RYR3: variants seen among roughly 807,000 people sequenced by gnomAD.
The protein encoded by RYR3 is ryanodine receptor 3.
RYR3 carries 207 observed loss-of-function variants against 584.3 expected under a neutral mutation model. That is an observed-to-expected ratio of 0.35 (90% CI 0.32 to 0.40). The LOEUF is 0.40. Ranked by LOEUF, RYR3 falls within the 10% of genes least tolerant of loss-of-function variation. RYR3 has a pLI of 1.00. For missense variants in RYR3, 5,616 were observed against 6,089.2 expected (o/e 0.92, Z 2.59); for synonymous variants, 2,416 against 2,248.5 (o/e 1.07, Z -2.11).
chr15:33,562,977 C>G lies in RYR3; in HGVS notation c.1113C>G (p.Ala371=), dbSNP rs1218734910. The part of the protein sequence containing the change: ...GLWVTYKAQD[A]KTSRLGPLKR... The stretch of plus-strand genomic sequence containing the variant: ...GGGTGACCTACAAAGCACAAGACGC[C>G]AAAACTTCCCGCCTGGGACCTCTAA... Residue 371 remains alanine (A), a synonymous_variant, in exon 11 of 104, where the codon GCC becomes GCG. Transcript: ENST00000634891. 1 of 1,611,474 alleles carries G rather than the reference C, an allele frequency of 6.2e-7. No individual in the cohort carries two copies. The highest frequency in any genetic ancestry group is 1.7e-5 in the Admixed American group (1 of 59,726).
intron 30 of RYR3, among the ~76,000 whole-genome samples, chr15:33,648,648 C>A (rs975280626): frequency 2.1e-4 from 32 of 152,144 alleles, no homozygotes; most frequent in African/African-American, 7.7e-4. Context: ...ATGCTCTGAC[C>A]CTTGACCACT....
At chr15:33,744,114 T>C (rs2070439519) in intron 52 of RYR3, among the ~76,000 whole-genome samples, 1 of 152,090 alleles carries the variant, frequency 6.6e-6, no homozygotes, top group Non-Finnish European at 1.5e-5. Flanking sequence ...GCCTGCCAGA[T>C]ACCCGCCTGT....
chr15:33,548,038 A>G (rs2141219266), intron 8 of RYR3, 92 bp from the exon 9 acceptor site: 1 of 839,708 alleles, frequency 1.2e-6, no homozygotes. Flanking sequence ...AGACAAGCTC[A>G]GTACCTGAAC....
intron 1 of RYR3, among the ~76,000 whole-genome samples, chr15:33,433,203 C>T (rs1294332080): frequency 1.3e-5 from 2 of 152,126 alleles, no homozygotes; most frequent in African/African-American, 4.8e-5. Context: ...AAAACTGCCA[C>T]CTGGGGTTGG....
Position 33,460,984 on chromosome 15 carries a change from G to T in RYR3, c.52-12435G>T, listed in dbSNP as rs190868463. ...TTTTAAGACGGAGTCTCGCTGTGTC[G>T]CCCAGGCTGGAGTGCAGTGGCGTGA... is the stretch of plus-strand genomic sequence containing the variant. On this transcript the variant is annotated intron_variant, in intron 1 of 103. Coordinates refer to ENST00000634891, the MANE Select transcript of RYR3 (RefSeq NM_001036.6). 6.2e-3 allele frequency among the ~76,000 whole-genome samples: 743 copies of T among 120,786 alleles called. 5 individuals are homozygous for T. Among genetic ancestry groups the T allele is most frequent in the African/African-American group, 0.022 (681 of 31,212 alleles). 79.2% of individuals were successfully genotyped at this position (120,786 alleles called of 152,430 possible). A position where few individuals can be genotyped will look rare whatever the true frequency, so the allele number is the denominator to read the frequency against.
In RYR3 at chr15:33,757,555, C is replaced by G; in HGVS notation, c.8664C>G (p.Ser2888Arg). 2 of 1,611,520 alleles carry G rather than the reference C, an allele frequency of 1.2e-6. No homozygotes were observed. The highest frequency in any genetic ancestry group is 8.5e-7 in the Non-Finnish European group (1 of 1,179,114). ...FLSSPLKPLS[S>R]SGYASHKEKE... ...CATCCCCTCTGAAGCCCCTTAGCAGCAGCGGATATGCCTCCCATAAGGAGA... is the reference window on the plus strand; with the variant it reads ...CATCCCCTCTGAAGCCCCTTAGCAGGAGCGGATATGCCTCCCATAAGGAGA... Residue 2888 changes from serine (S) to arginine (R), a missense_variant, in exon 60 of 104, where the codon AGC (serine) becomes AGG (arginine). Ser to Arg is a moderately radical substitution (Grantham distance 110). Transcript: ENST00000634891.
intron 1 of RYR3, among the ~76,000 whole-genome samples, chr15:33,450,110 A>AAAAAAAAAAAAAC: frequency 6.7e-6 from 1 of 149,896 alleles, no homozygotes; most frequent in Non-Finnish European, 1.5e-5. Flanking sequence ...AAAAAAAAAA[A>AAAAAAAAAAAAAC]AGCCGGCAAC....
chr15:33,598,646 C>T, intron 16 of RYR3, among the ~76,000 whole-genome samples: 1 of 147,470 alleles, frequency 6.8e-6, no homozygotes. Flanking sequence ...AAAAAAAAAA[C>T]TCATCTTCCC....
chr15:33,359,978 AT>A (rs1203946308), intron 1 of RYR3, among the ~76,000 whole-genome samples: 2 of 151,472 alleles, frequency 1.3e-5, no homozygotes, highest in African/African-American at 2.4e-5. Context: ...ACCCTGCTTT[AT>A]TTTTTTAATG....
chr15:33,685,247 G>A (rs2064907601), intron 38 of RYR3, among the ~76,000 whole-genome samples: 1 of 152,202 alleles, frequency 6.6e-6, no homozygotes, highest in Non-Finnish European at 1.5e-5. Flanking sequence ...AGGGATGGAG[G>A]AAGATCTACC....
intron 32 of RYR3, among the ~76,000 whole-genome samples, chr15:33,654,032 A>G (rs561781973): frequency 4.0e-5 from 6 of 150,740 alleles, no homozygotes; most frequent in Middle Eastern, 3.4e-3. Context: ...AGAGCAAACT[A>G]TGGGAGATGG....
chr15:33,660,179 C>G lies in RYR3; in HGVS notation c.4396-18C>G. 2 of 1,529,984 alleles carry G rather than the reference C, an allele frequency of 1.3e-6. No homozygotes were observed. Among genetic ancestry groups the G allele is most frequent in the Non-Finnish European group, 1.8e-6 (2 of 1,128,052 alleles). The allele number at this position is 1,529,984 out of a possible 1,614,324, so 94.8% of individuals were successfully genotyped here. A position where few individuals can be genotyped will look rare whatever the true frequency, so the allele number is the denominator to read the frequency against. Reference sequence around the variant, plus strand: ...CAACTGTGTGTTTCTTTTCCAATGCCTTTCCCACGTGCCCCAGAACGCAAT... The same window carrying G: ...CAACTGTGTGTTTCTTTTCCAATGCGTTTCCCACGTGCCCCAGAACGCAAT... On this transcript the variant is annotated intron_variant, in intron 33 of 103. Coordinates refer to ENST00000634891, the MANE Select transcript of RYR3 (RefSeq NM_001036.6).
At position 33,838,579 on chromosome 15, in the gene RYR3, T is replaced by C. The variant is rs770228881; in HGVS notation, c.12599T>C (p.Phe4200Ser). Residue 4200 changes from phenylalanine to serine, a missense_variant, in exon 89 of 104, where the codon TTC (phenylalanine) becomes TCC (serine). Phe to Ser is a radical substitution (Grantham distance 155). This residue lies in a region of RYR3 where 918 missense variants were observed against 887.4 expected (regional missense o/e 1.03). Coordinates refer to ENST00000634891, the MANE Select transcript of RYR3 (RefSeq NM_001036.6). ...TTCGTGGGGCTATTCCAGTTGCTCT[T>C]CACCATCCTGGGAGGAATCTTTCAG... ...MLFVGLFQLL[F>S]TILGGIFQIL... 9 of 1,613,766 alleles carry C rather than the reference T, an allele frequency of 5.6e-6. No homozygotes were observed. In the South Asian group the frequency reaches 9.9e-5, roughly 18 times the overall value.
At chr15:33,853,727 T>TA (rs756066133) in intron 96 of RYR3, 45 bp downstream of exon 96, 1 of 1,590,910 alleles carries the variant, frequency 6.3e-7, no homozygotes, top group Non-Finnish European at 8.6e-7. Context: ...CTAAAATAGA[T>TA]AGATCTTTGC....
chr15:33,685,432 C>G (rs538148370), intron 38 of RYR3, among the ~76,000 whole-genome samples: 57 of 152,156 alleles, frequency 3.7e-4, no homozygotes, highest in African/African-American at 1.3e-3. Context: ...ACAGGAGCAC[C>G]CAGATTCATA....
intron 62 of RYR3, among the ~76,000 whole-genome samples, chr15:33,771,363 G>A (rs1439421369): frequency 1.3e-5 from 2 of 152,008 alleles, no homozygotes; most frequent in Non-Finnish European, 2.9e-5. Context: ...GTGAAACCCC[G>A]TCTCTACTAA....
At chr15:33,459,689 G>A (rs2047857654) in intron 1 of RYR3, among the ~76,000 whole-genome samples, 1 of 152,162 alleles carries the variant, frequency 6.6e-6, no homozygotes, top group Non-Finnish European at 1.5e-5. Context: ...GTAGACACCT[G>A]CCAGCACATG....
chr15:33,576,354 A>G (rs1055048356), intron 12 of RYR3, among the ~76,000 whole-genome samples: 3 of 152,364 alleles, frequency 2.0e-5, no homozygotes, highest in South Asian at 4.1e-4. Context: ...ATGAACATCA[A>G]TGTGAAAATC....
intron 18 of RYR3, among the ~76,000 whole-genome samples, chr15:33,611,000 G>A (rs2060155289): frequency 6.6e-6 from 1 of 152,216 alleles, no homozygotes; most frequent in Admixed American, 6.5e-5. Flanking sequence ...TGCTCAACCT[G>A]AACTAGACTA....
Sources: gnomAD v4.1 joint callset for allele counts (sites outside exome capture counted in the v4.1 genomes callset) on GRCh38, gnomAD v4.1.1 for gene constraint, gnomAD v4.1.1 regional missense constraint, MANE v1.5 for transcripts, NCBI Gene and HGNC (gene_info 2026-07-23, HGNC 2026-07-21) for gene names.